Variants in PRDM8 observed in about 807,000 individuals in gnomAD.
PRDM8 encodes PR domain zinc finger protein 8.
Under a neutral mutation model 46.5 loss-of-function variants are expected in PRDM8, and 13 were observed. The observed-to-expected ratio is 0.28, with a 90% CI of 0.18 to 0.44. PRDM8 has a LOEUF of 0.44. Ranked by LOEUF, PRDM8 falls within the 20% of genes least tolerant of loss-of-function variation. The probability of loss-of-function intolerance (pLI) is 1.00; values close to 1 mark genes in which losing one functional copy is unlikely to be tolerated. For synonymous variants in PRDM8, 473 were observed against 438.4 expected (o/e 1.08, Z -0.98); for missense variants, 998 against 955.0 (o/e 1.04, Z -0.59).
At chr4:80,197,036 C>A, upstream of PRDM8, 1 of 985,462 alleles carries the variant, frequency 1.0e-6, no homozygotes, top group Non-Finnish European at 1.2e-6. Context: ...ACTAGCTGCG[C>A]AAATCAGCGG....
upstream of PRDM8, among the ~76,000 whole-genome samples, chr4:80,193,146 A>G (rs1342527020): frequency 6.6e-6 from 1 of 152,192 alleles, no homozygotes; most frequent in Non-Finnish European, 1.5e-5. Flanking sequence ...AATGATCCCT[A>G]CAGTTGGGAG....
upstream of PRDM8, among the ~76,000 whole-genome samples, chr4:80,193,817 G>A (rs942396344): frequency 6.6e-6 from 1 of 151,994 alleles, no homozygotes; most frequent in African/African-American, 2.4e-5. Flanking sequence ...ACCATGAATT[G>A]CCATACTCTT....
intron 3 of PRDM8, 132 bp downstream of exon 3, chr4:80,201,653 T>C (rs1560475754): frequency 1.0e-6 from 1 of 988,892 alleles, no homozygotes. Flanking sequence ...TTCTGAGATG[T>C]AGTCTGGAAT....
At chr4:80,201,620 C>A (rs1738455195) in intron 3 of PRDM8, 99 bp downstream of exon 3, 3 of 1,214,232 alleles carry the variant, frequency 2.5e-6, no homozygotes, top group South Asian at 2.7e-5. Flanking sequence ...GCCTTTCTTC[C>A]CTTCGGGTGT....
chr4:80,190,057 G>C (rs1737424866), intron 1 of PRDM8: 1 of 152,220 alleles, frequency 6.6e-6, no homozygotes, highest in South Asian at 2.1e-4. Flanking sequence ...TGTTCAACCG[G>C]AGGAAAACCA....
At position 80,202,680 on chromosome 4, in the gene PRDM8, C is replaced by T; in HGVS notation, c.1218C>T (p.Gly406=). The change falls in exon 4 of 4, where the codon GGC becomes GGT. Residue 406 remains glycine (G), a synonymous_variant. Coordinates refer to ENST00000415738, the MANE Select transcript of PRDM8 (RefSeq NM_001099403.2). The part of the protein sequence containing the change: ...ASLQEEGTAD[G]AGVASEDQDA... ...TGCAGGAGGAGGGGACAGCCGACGG[C>T]GCGGGAGTCGCCTCCGAGGACCAGG... 1 of 1,413,330 alleles carries T rather than the reference C, an allele frequency of 7.1e-7. No individual in the cohort carries two copies. Among genetic ancestry groups the T allele is most frequent in the Non-Finnish European group, 9.2e-7 (1 of 1,088,678 alleles). 87.5% of individuals were successfully genotyped at this position (1,413,330 alleles called of 1,614,324 possible). A position where few individuals can be genotyped will look rare whatever the true frequency, so the allele number is the denominator to read the frequency against.
At chr4:80,185,732 G>A (rs1737025148) in intron 1 of PRDM8, among the ~76,000 whole-genome samples, 1 of 152,198 alleles carries the variant, frequency 6.6e-6, no homozygotes, top group Non-Finnish European at 1.5e-5. Flanking sequence ...ATCCCTTGGG[G>A]CCTTTTTCTC....
At chr4:80,193,296 G>A (rs1262624753), upstream of PRDM8, among the ~76,000 whole-genome samples, 2 of 152,106 alleles carry the variant, frequency 1.3e-5, no homozygotes, top group African/African-American at 4.8e-5. Flanking sequence ...GACCTAAACT[G>A]AGTTTGCAAT....
chr4:80,192,564 C>A (rs1183909463), upstream of PRDM8, among the ~76,000 whole-genome samples: 1 of 152,202 alleles, frequency 6.6e-6, no homozygotes, highest in East Asian at 1.9e-4. Context: ...TGATGGAGAA[C>A]TGGCTACAAC....
chr4:80,201,599 C>A (rs868748402), intron 3 of PRDM8, 78 bp downstream of exon 3: 13 of 1,388,124 alleles, frequency 9.4e-6, no homozygotes, highest in South Asian at 6.1e-5. Flanking sequence ...GCTCACCCGG[C>A]GCGTTGGCGC....
In PRDM8 at chr4:80,202,126, G is replaced by A. The variant is rs781324175; in HGVS notation, c.664G>A (p.Gly222Ser). ...GCAGCAGCAGCAGGAGGCACCTTTA[G>A]GCCCGGGTCCCAAGTTTTGCAAAGC... is the stretch of plus-strand genomic sequence containing the variant. Reference protein sequence around the residue: ...QQQQQQEAPLGPGPKFCKAGP... With the variant: ...QQQQQQEAPLSPGPKFCKAGP... Residue 222 changes from glycine to serine, a missense_variant, in exon 4 of 4, where the codon GGC becomes AGC. By Grantham distance (56) the Gly-to-Ser change is moderately conservative (BLOSUM62 0). Transcript: ENST00000415738. The A allele has an allele frequency of 6.2e-7, 1 of 1,610,890 alleles. No individual in the cohort carries two copies. The highest frequency in any genetic ancestry group is 8.5e-7 in the Non-Finnish European group (1 of 1,179,060).
At chr4:80,201,139 C>T in intron 2 of PRDM8, 151 bp from the exon 3 acceptor site, 1 of 682,572 alleles carries the variant, frequency 1.5e-6, no homozygotes. Flanking sequence ...CAGGTCCCAG[C>T]TTGGGCCAAA....
chr4:80,196,461 G>C (rs954209395), upstream of PRDM8: 1 of 985,326 alleles, frequency 1.0e-6, no homozygotes, highest in African/African-American at 1.7e-5. Context: ...CAAGTCATTA[G>C]CATCAGCTGC....
At chr4:80,193,492 A>G (rs1021236775), upstream of PRDM8, among the ~76,000 whole-genome samples, 4 of 152,226 alleles carry the variant, frequency 2.6e-5, no homozygotes, top group African/African-American at 9.6e-5. Flanking sequence ...GTAGAAAATG[A>G]GTTAACAACC....
rs774187544 is a variant in PRDM8 at position 80,203,558 on chromosome 4, G to A, written c.*26G>A. 1.9e-6 allele frequency: 3 copies of A among 1,580,380 alleles called. No homozygotes were observed. The highest frequency in any genetic ancestry group is 2.6e-6 in the Non-Finnish European group (3 of 1,162,342). ...CTCGGAAAGGACCCCAGCTTTCCAC[G>A]CGCGCGCAAGCACAGTTAAGCCACC... On this transcript the variant is annotated 3_prime_UTR_variant, in exon 4 of 4. Transcript: ENST00000415738.
chr4:80,203,628 C>T lies in PRDM8; in HGVS notation c.*96C>T, dbSNP rs924967604. 2.8e-5 allele frequency: 41 copies of T among 1,467,630 alleles called. No homozygotes were observed. The highest frequency in any genetic ancestry group is 3.6e-5 in the Non-Finnish European group (40 of 1,109,058). 90.9% of individuals were successfully genotyped at this position (1,467,630 alleles called of 1,614,324 possible). A position where few individuals can be genotyped will look rare whatever the true frequency, so the allele number is the denominator to read the frequency against. On this transcript the variant is annotated 3_prime_UTR_variant, in exon 4 of 4. Transcript: ENST00000415738. The stretch of plus-strand genomic sequence containing the variant: ...GAACATCCACCGCTTCCTTGCACCC[C>T]GAAACCCTGCACAAAGACACATACA...
Position 80,202,976 on chromosome 4 carries a change from C to T in PRDM8, c.1514C>T (p.Ala505Val). ...DERKSAFSQP[A>V]RSFSQLSPLV... ...CGCAAAAGCGCCTTCTCGCAGCCAG[C>T]ACGCTCTTTCTCGCAGCTGTCCCCG... Residue 505 changes from alanine to valine, a missense_variant, in exon 4 of 4, where the codon GCA becomes GTA. Transcript: ENST00000415738. The T allele has an allele frequency of 2.0e-6, 3 of 1,501,132 alleles. 1 individual carries two copies. Among genetic ancestry groups the T allele is most frequent in the East Asian group, 5.6e-5 (2 of 35,822 alleles). 93.0% of individuals were successfully genotyped at this position (1,501,132 alleles called of 1,614,324 possible).
At chr4:80,187,896 C>T (rs1437073647) in intron 1 of PRDM8, among the ~76,000 whole-genome samples, 2 of 152,198 alleles carry the variant, frequency 1.3e-5, no homozygotes, top group Admixed American at 1.3e-4. Flanking sequence ...TCTCCATTCC[C>T]ATTTCAGACA....
At chr4:80,197,135 G>T (rs1486383736), upstream of PRDM8, 1 of 985,374 alleles carries the variant, frequency 1.0e-6, no homozygotes, top group Non-Finnish European at 1.2e-6. Context: ...CACGGGGTCC[G>T]CACGCGCTGG....
Sources: gnomAD v4.1 joint callset for allele counts (sites outside exome capture counted in the v4.1 genomes callset) on GRCh38, gnomAD v4.1.1 for gene constraint, MANE v1.5 for transcripts, NCBI Gene and HGNC (gene_info 2026-07-23, HGNC 2026-07-21) for gene names.